Variants in SNTG1 observed in about 807,000 individuals in gnomAD.
SNTG1 encodes the protein syntrophin gamma 1, also known as gamma-1-syntrophin.
A neutral mutation model predicts 74.7 loss-of-function variants in SNTG1; 39 were observed. That is an observed-to-expected ratio of 0.52 (90% CI 0.40 to 0.68). SNTG1 has a LOEUF of 0.68. Ranked by LOEUF, SNTG1 falls within the 30% of genes least tolerant of loss-of-function variation. The pLI, the probability that SNTG1 is intolerant of heterozygous loss-of-function variation, is 0.00. For synonymous variants in SNTG1, 254 were observed against 217.1 expected (o/e 1.17, Z -1.49); for missense variants, 685 against 609.5 (o/e 1.12, Z -1.30).
chr8:50,180,162 T>C (rs190983372), intron 2 of SNTG1, among the ~76,000 whole-genome samples: 1 of 152,130 alleles, frequency 6.6e-6, no homozygotes, highest in Non-Finnish European at 1.5e-5. Flanking sequence ...TTACACTAAG[T>C]GAAATAAGCC....
intron 2 of SNTG1, among the ~76,000 whole-genome samples, chr8:50,387,141 C>G (rs937766369): frequency 6.6e-6 from 1 of 152,156 alleles, no homozygotes; most frequent in Admixed American, 6.6e-5. Flanking sequence ...CTGCCTTGGC[C>G]CTGATTTCCA....
At chr8:50,781,596 G>A (rs1423753677) in intron 18 of SNTG1, among the ~76,000 whole-genome samples, 6 of 152,114 alleles carry the variant, frequency 3.9e-5, no homozygotes, top group African/African-American at 1.2e-4. Context: ...ATCTATGTGT[G>A]TCTCTGCATG....
intron 15 of SNTG1, among the ~76,000 whole-genome samples, chr8:50,703,192 TG>T (rs1296512957): frequency 2.6e-5 from 4 of 152,252 alleles, no homozygotes; most frequent in African/African-American, 4.8e-5. Context: ...TTTTCAACTT[TG>T]GCCTTTTTTG....
At chr8:50,569,124 A>G (rs1272382318) in intron 12 of SNTG1, 1 of 152,206 alleles carries the variant, frequency 6.6e-6, no homozygotes, top group African/African-American at 2.4e-5. Context: ...TTTGGCCAGT[A>G]CTTAACTTTC....
At chr8:50,663,529 A>C (rs1235544255) in intron 15 of SNTG1, among the ~76,000 whole-genome samples, 1 of 152,132 alleles carries the variant, frequency 6.6e-6, no homozygotes, top group Non-Finnish European at 1.5e-5. Flanking sequence ...ACTCACCTGC[A>C]TAGACCAGCC....
At chr8:50,360,416 T>C (rs975926146) in intron 2 of SNTG1, among the ~76,000 whole-genome samples, 5 of 152,196 alleles carry the variant, frequency 3.3e-5, no homozygotes, top group Admixed American at 6.5e-5. Flanking sequence ...GAACTGTAGT[T>C]ATAAGTCTTG....
At chr8:50,697,305 C>T (rs1483546884) in intron 15 of SNTG1, among the ~76,000 whole-genome samples, 4 of 152,008 alleles carry the variant, frequency 2.6e-5, no homozygotes, top group Admixed American at 1.3e-4. Context: ...TGAATTTATT[C>T]ATCGAAAATA....
intron 1 of SNTG1, among the ~76,000 whole-genome samples, chr8:49,992,435 A>T (rs945861395): frequency 6.6e-6 from 1 of 152,054 alleles, no homozygotes; most frequent in Non-Finnish European, 1.5e-5. Flanking sequence ...TTTGGGGAAA[A>T]TTTTTTATTT....
At chr8:50,422,894 G>T (rs1220183571) in intron 4 of SNTG1, among the ~76,000 whole-genome samples, 1 of 152,084 alleles carries the variant, frequency 6.6e-6, no homozygotes, top group Non-Finnish European at 1.5e-5. Flanking sequence ...CTGAGTTTTG[G>T]CAAAGGGCTA....
chr8:50,294,708 C>T (rs2089282939), intron 2 of SNTG1, among the ~76,000 whole-genome samples: 2 of 152,212 alleles, frequency 1.3e-5, no homozygotes, highest in Non-Finnish European at 1.5e-5. Flanking sequence ...TCATCAAAAA[C>T]ACTTGCATAA....
At chr8:50,498,882 A>C (rs2093926935) in intron 8 of SNTG1, among the ~76,000 whole-genome samples, 1 of 151,820 alleles carries the variant, frequency 6.6e-6, no homozygotes, top group Non-Finnish European at 1.5e-5. Context: ...CATTGTTGAA[A>C]AATTGTTGTT....
chr8:50,524,395 T>C (rs137909191), intron 9 of SNTG1, among the ~76,000 whole-genome samples: 1 of 152,142 alleles, frequency 6.6e-6, no homozygotes, highest in Non-Finnish European at 1.5e-5. Flanking sequence ...TATTATTTTC[T>C]ATTAAAAATA....
chr8:50,793,811 T>C lies in SNTG1; in HGVS notation c.*982T>C, dbSNP rs1359985771. On this transcript the variant is annotated 3_prime_UTR_variant, in exon 19 of 19. Coordinates refer to ENST00000642720, the MANE Select transcript of SNTG1 (RefSeq NM_018967.5). Reference sequence around the variant, plus strand: ...AACAGTCCCAAAGCTATTATAGATGTTAATTAAATGACATTTTTTCATTTT... The same window carrying C: ...AACAGTCCCAAAGCTATTATAGATGCTAATTAAATGACATTTTTTCATTTT... The C allele has an allele frequency of 1.3e-5, 2 of 151,940 alleles. No individual in the cohort carries two copies. The highest frequency in any genetic ancestry group is 2.9e-5 in the Non-Finnish European group (2 of 67,906). The allele number at this position is 151,940 out of a possible 1,614,324, so 9.4% of individuals were successfully genotyped here. A position where few individuals can be genotyped will look rare whatever the true frequency, so the allele number is the denominator to read the frequency against.
chr8:49,967,740 T>G (rs2129867063), intron 1 of SNTG1, among the ~76,000 whole-genome samples: 1 of 152,278 alleles, frequency 6.6e-6, no homozygotes, highest in African/African-American at 2.4e-5. Flanking sequence ...TCACTGAAAG[T>G]GAGATTAAAG....
chr8:50,270,606 T>C (rs2087727409), intron 2 of SNTG1, among the ~76,000 whole-genome samples: 1 of 152,186 alleles, frequency 6.6e-6, no homozygotes, highest in Admixed American at 6.5e-5. Flanking sequence ...TGAGAACTTT[T>C]CCTCCCTGTG....
At chr8:50,159,731 A>G (rs913194710) in intron 1 of SNTG1, among the ~76,000 whole-genome samples, 2 of 152,154 alleles carry the variant, frequency 1.3e-5, no homozygotes, top group African/African-American at 2.4e-5. Context: ...CAGCAATTTT[A>G]TTCAGTACCT....
intron 5 of SNTG1, among the ~76,000 whole-genome samples, chr8:50,449,052 C>T (rs558732223): frequency 6.6e-6 from 1 of 151,854 alleles, no homozygotes; most frequent in Non-Finnish European, 1.5e-5. Flanking sequence ...TAAATAAATA[C>T]ATAAATAAAT....
At chr8:50,587,563 G>T (rs1350542289) in intron 12 of SNTG1, among the ~76,000 whole-genome samples, 2 of 152,118 alleles carry the variant, frequency 1.3e-5, no homozygotes, top group East Asian at 3.9e-4. Flanking sequence ...AGTGGCTCAC[G>T]CCTGAAATCC....
At chr8:50,413,329 T>C (rs2131407738) in intron 4 of SNTG1, among the ~76,000 whole-genome samples, 1 of 152,304 alleles carries the variant, frequency 6.6e-6, no homozygotes, top group East Asian at 1.9e-4. Context: ...AATTTAACAC[T>C]GTTCATTTGT....
Sources: allele counts gnomAD v4.1 joint callset (sites outside exome capture counted in the v4.1 genomes callset), GRCh38; gene constraint gnomAD v4.1.1; transcripts MANE v1.5; gene names NCBI Gene and HGNC (gene_info 2026-07-23, HGNC 2026-07-21).